Variants in ENPP2 observed in about 807,000 individuals in gnomAD.
ENPP2 encodes the protein ectonucleotide pyrophosphatase/phosphodiesterase 2, also known as autotaxin.
A neutral mutation model predicts 120.2 loss-of-function variants in ENPP2; 51 were observed. The ratio of observed to expected loss-of-function variants is 0.42; its 90% confidence interval spans 0.34 to 0.54. ENPP2 has a LOEUF of 0.54. Ranked by LOEUF, ENPP2 falls within the 20% of genes least tolerant of loss-of-function variation. The pLI is 0.04. For missense variants in ENPP2, 920 were observed against 1,066.5 expected (o/e 0.86, Z 1.91); for synonymous variants, 365 against 366.4 (o/e 1.00, Z 0.04).
chr8:119,661,728 T>C (rs1817926189), intron 1 of ENPP2, among the ~76,000 whole-genome samples: 1 of 152,202 alleles, frequency 6.6e-6, no homozygotes, highest in East Asian at 1.9e-4. Context: ...CCTATGTTTA[T>C]TGCAGCATTA....
chr8:119,671,185 C>T lies in ENPP2; in HGVS notation c.21+2067G>A, dbSNP rs183757374. ...GCATGGTGGCAGGCACCCGTAATCC[C>T]AGCTACTTGGGAGGCTGAGGCAGGA... On this transcript the variant is annotated intron_variant, in intron 1 of 25. Transcript: ENST00000427067. Among the ~76,000 whole-genome samples, 466 of 151,606 alleles carry T rather than the reference C, an allele frequency of 3.1e-3. 23 individuals are homozygous for T. The South Asian group carries it at 0.089, about 29-fold the overall frequency.
intron 19 of ENPP2, chr8:119,572,113 C>A: frequency 1.4e-5 from 12 of 873,788 alleles, no homozygotes; most frequent in Admixed American, 2.3e-5. Context: ...ACCAGCAAAT[C>A]GTAACAGTAG....
chr8:119,586,619 C>G (rs996801930), intron 14 of ENPP2, among the ~76,000 whole-genome samples: 1 of 151,800 alleles, frequency 6.6e-6, no homozygotes, highest in African/African-American at 2.4e-5. Context: ...TCCTTCAAGT[C>G]AAGCAGTTGG....
At chr8:119,567,609 A>C (rs1387797989) in intron 22 of ENPP2, among the ~76,000 whole-genome samples, 1 of 152,234 alleles carries the variant, frequency 6.6e-6, no homozygotes, top group Admixed American at 6.5e-5. Flanking sequence ...GACTAAAATC[A>C]TCTGAAATAA....
At chr8:119,619,134 T>C in intron 5 of ENPP2, 110 bp downstream of exon 5, 1 of 798,872 alleles carries the variant, frequency 1.3e-6, no homozygotes, top group Non-Finnish European at 2.1e-6. Context: ...AGTTTGCCTG[T>C]ATAAGAGAAT....
chr8:119,601,900 T>C (rs1179804923), intron 9 of ENPP2, among the ~76,000 whole-genome samples: 1 of 152,200 alleles, frequency 6.6e-6, no homozygotes, highest in African/African-American at 2.4e-5. Flanking sequence ...ATCGGTAAGA[T>C]AAAGCTAACA....
At chr8:119,565,058 C>T (rs1814302288) in intron 22 of ENPP2, 103 bp from the exon 23 acceptor site, 1 of 933,752 alleles carries the variant, frequency 1.1e-6, no homozygotes, top group African/African-American at 1.7e-5. Context: ...ATCTCACAAG[C>T]CAAGAGACAA....
At chr8:119,589,764 G>A (rs1400331427) in intron 13 of ENPP2, among the ~76,000 whole-genome samples, 1 of 152,072 alleles carries the variant, frequency 6.6e-6, no homozygotes, top group Non-Finnish European at 1.5e-5. Flanking sequence ...TTATTCCCAA[G>A]GCTAAAAACT....
At chr8:119,630,022 T>C (rs920606492) in intron 2 of ENPP2, among the ~76,000 whole-genome samples, 9 of 152,198 alleles carry the variant, frequency 5.9e-5, no homozygotes, top group African/African-American at 1.7e-4. Context: ...GCAATTTGTT[T>C]ACAGATGTGC....
intron 11 of ENPP2, among the ~76,000 whole-genome samples, chr8:119,594,997 A>G (rs1245971087): frequency 6.6e-6 from 1 of 152,238 alleles, no homozygotes; most frequent in Non-Finnish European, 1.5e-5. Flanking sequence ...GGAGGAAGCC[A>G]CAGTTGAAAG....
chr8:119,584,088 A>C, intron 15 of ENPP2, 39 bp from the exon 16 acceptor site: 81 of 1,345,168 alleles, frequency 6.0e-5, no homozygotes, highest in Non-Finnish European at 8.0e-5. Flanking sequence ...AGAATTTCTC[A>C]TGAAATTACT....
intron 8 of ENPP2, among the ~76,000 whole-genome samples, chr8:119,614,832 C>T (rs894267945): frequency 6.6e-6 from 1 of 151,934 alleles, no homozygotes. Context: ...TTGAATAATC[C>T]ACCCTGTCAA....
chr8:119,609,535 T>C (rs1304423062), intron 8 of ENPP2, among the ~76,000 whole-genome samples: 3 of 152,194 alleles, frequency 2.0e-5, no homozygotes, highest in Non-Finnish European at 4.4e-5. Context: ...AGACAAATTC[T>C]GGCATCCTCC....
intron 11 of ENPP2, chr8:119,595,967 C>T: frequency 6.2e-7 from 1 of 1,614,022 alleles, no homozygotes; most frequent in African/African-American, 1.3e-5. Context: ...TCTTAGGTCT[C>T]TTAGCCGGAG....
intron 22 of ENPP2, among the ~76,000 whole-genome samples, chr8:119,567,964 G>C (rs1308502049): frequency 6.6e-6 from 1 of 152,074 alleles, no homozygotes; most frequent in African/African-American, 2.4e-5. Flanking sequence ...CTTCCTCACA[G>C]ATTCAAATTT....
intron 2 of ENPP2, among the ~76,000 whole-genome samples, chr8:119,634,707 C>T (rs2130822806): frequency 1.3e-5 from 2 of 152,142 alleles, no homozygotes; most frequent in Middle Eastern, 3.4e-3. Context: ...GTTTTTCAAA[C>T]TTTTGTACAT....
At chr8:119,624,473 A>G (rs915057203) in intron 3 of ENPP2, among the ~76,000 whole-genome samples, 3 of 152,170 alleles carry the variant, frequency 2.0e-5, no homozygotes, top group African/African-American at 4.8e-5. Context: ...AGTAATGTAT[A>G]TTTAAATTTA....
At chr8:119,593,720 A>G in intron 12 of ENPP2, 32 bp downstream of exon 12, 1 of 1,253,882 alleles carries the variant, frequency 8.0e-7, no homozygotes, top group Non-Finnish European at 1.2e-6. Context: ...TTATCCATCT[A>G]TCCTATTAGC....
chr8:119,649,268 C>A (rs1343134932), intron 1 of ENPP2, among the ~76,000 whole-genome samples: 2 of 149,842 alleles, frequency 1.3e-5, no homozygotes, highest in African/African-American at 4.9e-5. Context: ...CGGGTGTGGT[C>A]GTGGGCACCT....
Sources: allele counts gnomAD v4.1 joint callset (sites outside exome capture counted in the v4.1 genomes callset), GRCh38; gene constraint gnomAD v4.1.1; transcripts MANE v1.5; gene names NCBI Gene and HGNC (gene_info 2026-07-23, HGNC 2026-07-21).